Variants in RNF180 observed in about 807,000 individuals in gnomAD.
The protein encoded by RNF180 is E3 ubiquitin-protein ligase RNF180.
In RNF180, 38 loss-of-function variants were observed where a neutral mutation model predicts 59.2. That is an observed-to-expected ratio of 0.64 (90% CI 0.50 to 0.84). RNF180 has a LOEUF of 0.84. Ranked by LOEUF, RNF180 falls within the 40% of genes least tolerant of loss-of-function variation. RNF180 has a pLI of 0.00. For missense variants in RNF180, 705 were observed against 700.9 expected (o/e 1.01, Z -0.07); for synonymous variants, 262 against 240.3 (o/e 1.09, Z -0.84).
At chr5:64,350,480 G>A (rs1256680757) in intron 7 of RNF180, among the ~76,000 whole-genome samples, 8 of 152,024 alleles carry the variant, frequency 5.3e-5, no homozygotes, top group Admixed American at 1.3e-4. Context: ...TGAAGTCCTC[G>A]CCCATGCCTA....
At chr5:64,225,327 C>G (rs78533226) in intron 5 of RNF180, among the ~76,000 whole-genome samples, 1 of 135,910 alleles carries the variant, frequency 7.4e-6, no homozygotes, top group Non-Finnish European at 1.6e-5. Context: ...CGCCTCTGCC[C>G]AGCCGCCCCG....
intron 1 of RNF180, among the ~76,000 whole-genome samples, chr5:64,194,987 A>C (rs1751383259): frequency 6.6e-6 from 1 of 152,192 alleles, no homozygotes; most frequent in African/African-American, 2.4e-5. Context: ...TGTATGTAAA[A>C]TACCAGTACC....
chr5:64,252,705 T>G (rs767924009), intron 5 of RNF180, among the ~76,000 whole-genome samples: 1 of 151,968 alleles, frequency 6.6e-6, no homozygotes, highest in Non-Finnish European at 1.5e-5. Context: ...AAACTAAACT[T>G]CCTGTGCCTC....
rs553200979 is a variant in RNF180 at position 64,185,033 on chromosome 5, A to T, written c.1-15775A>T. Among the ~76,000 whole-genome samples, 83 of 152,138 alleles carry T rather than the reference A, an allele frequency of 5.5e-4. No homozygotes were observed. The South Asian group carries it at 8.5e-3, about 16-fold the overall frequency. On this transcript the variant is annotated intron_variant, in intron 1 of 7. Transcript: ENST00000389100. ...TGACTGTCCTTTCTGTTTCACTGGCACCCTTTCCCTTACCCGTTGATGGCA... is the reference window on the plus strand; with the variant it reads ...TGACTGTCCTTTCTGTTTCACTGGCTCCCTTTCCCTTACCCGTTGATGGCA...
chr5:64,175,718 T>C (rs1750197282), intron 1 of RNF180, among the ~76,000 whole-genome samples: 1 of 152,206 alleles, frequency 6.6e-6, no homozygotes, highest in African/African-American at 2.4e-5. Context: ...GTGGACACTT[T>C]AACAATCTAA....
chr5:64,324,765 G>A (rs751899290), intron 5 of RNF180, among the ~76,000 whole-genome samples: 4 of 152,216 alleles, frequency 2.6e-5, no homozygotes, highest in East Asian at 1.9e-4. Flanking sequence ...GAAGTATGAC[G>A]TCTTCTGCCT....
chr5:64,177,839 G>A (rs564207539), intron 1 of RNF180, among the ~76,000 whole-genome samples: 2 of 151,986 alleles, frequency 1.3e-5, no homozygotes, highest in Non-Finnish European at 2.9e-5. Context: ...AATAATGAGA[G>A]TCATTATCAT....
At chr5:64,354,438 A>G (rs1014406321) in intron 7 of RNF180, among the ~76,000 whole-genome samples, 6 of 151,890 alleles carry the variant, frequency 4.0e-5, no homozygotes, top group Non-Finnish European at 8.8e-5. Flanking sequence ...TAACAAGTAA[A>G]AAGATTGAAT....
At chr5:64,229,216 C>A (rs147392682) in intron 5 of RNF180, among the ~76,000 whole-genome samples, 1 of 152,118 alleles carries the variant, frequency 6.6e-6, no homozygotes, top group Admixed American at 6.5e-5. Flanking sequence ...TGAGGCACTG[C>A]ACCTGGCCTA....
chr5:64,344,135 A>G (rs1282257344), intron 7 of RNF180, among the ~76,000 whole-genome samples: 6 of 152,092 alleles, frequency 3.9e-5, no homozygotes, highest in Non-Finnish European at 8.8e-5. Flanking sequence ...TAAACATTAA[A>G]AATTCATACT....
chr5:64,217,466 C>A, intron 5 of RNF180, 70 bp downstream of exon 5: 1 of 1,321,840 alleles, frequency 7.6e-7, no homozygotes, highest in South Asian at 2.4e-5. Flanking sequence ...ATTTTGCATT[C>A]CAAGCAGCAA....
intron 5 of RNF180, among the ~76,000 whole-genome samples, chr5:64,220,532 C>T (rs1211760639): frequency 6.6e-6 from 1 of 151,988 alleles, no homozygotes; most frequent in Non-Finnish European, 1.5e-5. Context: ...GCCAGTATAT[C>T]AGCATTTTGA....
intron 5 of RNF180, among the ~76,000 whole-genome samples, chr5:64,322,841 G>A (rs1384896658): frequency 6.6e-6 from 1 of 152,070 alleles, no homozygotes; most frequent in East Asian, 1.9e-4. Context: ...GACCCAGGGG[G>A]AAAGGGGGAA....
intron 5 of RNF180, among the ~76,000 whole-genome samples, chr5:64,260,237 G>A (rs1025238337): frequency 2.0e-5 from 3 of 152,142 alleles, no homozygotes; most frequent in African/African-American, 4.8e-5. Context: ...CCTCGTGGCA[G>A]TTTTTCTAGG....
At position 64,354,389 on chromosome 5, in the gene RNF180, A is replaced by T. The variant is rs1376461162; in HGVS notation, c.1580-15226A>T. Among the ~76,000 whole-genome samples, 5 of 151,836 alleles carry T rather than the reference A, an allele frequency of 3.3e-5. No homozygotes were observed. In the East Asian group the frequency reaches 9.7e-4, roughly 29 times the overall value. Reference sequence around the variant, plus strand: ...TTTATAAAAACATACAAATTATCTGAACTGAATCTAGAAGAAATAGAAAAT... The same window carrying T: ...TTTATAAAAACATACAAATTATCTGTACTGAATCTAGAAGAAATAGAAAAT... On this transcript the variant is annotated intron_variant, in intron 7 of 7. Coordinates refer to ENST00000389100, the MANE Select transcript of RNF180 (RefSeq NM_001113561.2).
At chr5:64,207,431 A>G (rs1752072524) in intron 2 of RNF180, among the ~76,000 whole-genome samples, 1 of 152,124 alleles carries the variant, frequency 6.6e-6, no homozygotes, top group Non-Finnish European at 1.5e-5. Context: ...CTCCGGAACT[A>G]AAATAGATTG....
intron 5 of RNF180, among the ~76,000 whole-genome samples, chr5:64,304,863 TGAAAA>T (rs992971202): frequency 1.3e-5 from 2 of 151,634 alleles, no homozygotes; most frequent in African/African-American, 4.8e-5. Flanking sequence ...TAAATTTTTG[TGAAAA>T]GAAGAGTCTA....
In RNF180 at chr5:64,234,578, C is replaced by CTTTTTTTTTTTTT. The variant is rs1171637074; in HGVS notation, c.1227+17209_1227+17221dup. Among the ~76,000 whole-genome samples, 75 of 48,524 alleles carry CTTTTTTTTTTTTT rather than the reference C, an allele frequency of 1.5e-3. 25 individuals are homozygous for CTTTTTTTTTTTTT. Among genetic ancestry groups the CTTTTTTTTTTTTT allele is most frequent in the African/African-American group, 1.7e-3 (22 of 12,614 alleles). 31.8% of individuals were successfully genotyped at this position (48,524 alleles called of 152,430 possible). On this transcript the variant is annotated intron_variant, in intron 5 of 7. Coordinates refer to ENST00000389100, the MANE Select transcript of RNF180 (RefSeq NM_001113561.2). ...GCTTTCCAAATGGCAGTTACCCGTT[C>CTTTTTTTTTTTTT]TTTTTTTTTTTTTTTTTTTTTTTTT...
At chr5:64,330,683 C>CA (rs1261918549) in intron 7 of RNF180, among the ~76,000 whole-genome samples, 1 of 152,228 alleles carries the variant, frequency 6.6e-6, no homozygotes, top group Non-Finnish European at 1.5e-5. Context: ...AAATACGTCT[C>CA]AAAAGTATCA....
Sources: allele counts gnomAD v4.1 joint callset (sites outside exome capture counted in the v4.1 genomes callset), GRCh38; gene constraint gnomAD v4.1.1; transcripts MANE v1.5; gene names NCBI Gene and HGNC (gene_info 2026-07-23, HGNC 2026-07-21).